Variants in STK32C observed in about 807,000 individuals in gnomAD.
STK32C encodes the protein serine/threonine kinase 32C, also known as serine/threonine-protein kinase 32C.
STK32C carries 31 observed loss-of-function variants against 56.5 expected under a neutral mutation model. The observed-to-expected ratio is 0.55, with a 90% CI of 0.41 to 0.74. STK32C has a LOEUF of 0.74. Ranked by LOEUF, STK32C falls within the 30% of genes least tolerant of loss-of-function variation. STK32C has a pLI of 0.00. For missense variants in STK32C, 544 were observed against 676.9 expected, an observed-to-expected ratio of 0.80 and a Z score of 2.18; for synonymous variants, 309 against 289.4, an observed-to-expected ratio of 1.07 and a Z score of -0.69.
chr10:132,256,552 G>A (rs549597537), intron 1 of STK32C, among the ~76,000 whole-genome samples: 4 of 152,314 alleles, frequency 2.6e-5, no homozygotes, highest in Admixed American at 1.3e-4. Context: ...GCCTGAGACC[G>A]CAGTGCCTGA....
intron 1 of STK32C, chr10:132,330,208 T>C (rs1177879115): frequency 3.8e-6 from 2 of 524,674 alleles, no homozygotes; most frequent in South Asian, 2.2e-5. Flanking sequence ...AATTAACTAC[T>C]GACTACAAAA....
At chr10:132,308,033 G>GAGCTC (rs2066138007), upstream of STK32C, 4 of 807,180 alleles carry the variant, frequency 5.0e-6, no homozygotes, top group South Asian at 2.3e-4. Context: ...GGGCGGGGCG[G>GAGCTC]AGCTCCTGGA....
exon 1 of STK32C, chr10:132,331,685 G>C (rs750239393): frequency 1.2e-6 from 2 of 1,612,740 alleles, no homozygotes; most frequent in Non-Finnish European, 8.5e-7. Flanking sequence ...GGCTGTCCTC[G>C]AGCAGCCCCG....
rs1362841498 is a variant in STK32C at position 132,207,985 on chromosome 10, G to C, written c.*25C>G. The C allele has an allele frequency of 1.5e-6, 2 of 1,298,228 alleles. No individual in the cohort carries two copies. The highest frequency in any genetic ancestry group is 9.8e-7 in the Non-Finnish European group (1 of 1,016,658). 80.4% of individuals were successfully genotyped at this position (1,298,228 alleles called of 1,614,324 possible). On this transcript the variant is annotated 3_prime_UTR_variant, in exon 12 of 12. Coordinates refer to ENST00000298630, the MANE Select transcript of STK32C (RefSeq NM_173575.4). ...AGCCGAGTCTCCAAAGCAGCTCAAG[G>C]GGTGAGGACCACGGGCGTCCCGGCC...
At chr10:132,276,203 T>G (rs1276597788) in intron 1 of STK32C, among the ~76,000 whole-genome samples, 17 of 152,148 alleles carry the variant, frequency 1.1e-4, no homozygotes, top group Admixed American at 1.0e-3. Flanking sequence ...GAAAACAGCA[T>G]GACCGCAGCA....
At chr10:132,296,889 C>T (rs1171013294) in intron 1 of STK32C, among the ~76,000 whole-genome samples, 5 of 152,244 alleles carry the variant, frequency 3.3e-5, no homozygotes, top group Non-Finnish European at 7.3e-5. Context: ...CGCCGAAAGC[C>T]TCTGCGGCTC....
At chr10:132,244,501 G>C (rs1205804916) in intron 2 of STK32C, among the ~76,000 whole-genome samples, 2 of 152,162 alleles carry the variant, frequency 1.3e-5, no homozygotes, top group Non-Finnish European at 2.9e-5. Flanking sequence ...AGATGCTGGG[G>C]GCCCCAGGAA....
intron 1 of STK32C, among the ~76,000 whole-genome samples, chr10:132,299,551 C>T (rs2065853466): frequency 6.6e-6 from 1 of 152,270 alleles, no homozygotes; most frequent in Non-Finnish European, 1.5e-5. Flanking sequence ...TTTGCACCAG[C>T]CCGCAGCTCT....
intron 2 of STK32C, among the ~76,000 whole-genome samples, chr10:132,231,465 C>A (rs1021824463): frequency 2.0e-5 from 3 of 152,236 alleles, no homozygotes. Context: ...GCTTGCAAGT[C>A]TTCCTATATG....
At chr10:132,228,776 G>A (rs568065052) in intron 2 of STK32C, among the ~76,000 whole-genome samples, 5 of 152,326 alleles carry the variant, frequency 3.3e-5, no homozygotes, top group East Asian at 3.9e-4. Flanking sequence ...CACCCTGGAC[G>A]CACATCACTC....
At chr10:132,308,428 G>A (rs370229925), upstream of STK32C, among the ~76,000 whole-genome samples, 5 of 152,288 alleles carry the variant, frequency 3.3e-5, no homozygotes, top group Admixed American at 1.3e-4. Flanking sequence ...CGCCCAGTGC[G>A]GGGAGCCCTA....
chr10:132,234,883 G>C (rs1302956777), intron 2 of STK32C, among the ~76,000 whole-genome samples: 1 of 152,252 alleles, frequency 6.6e-6, no homozygotes, highest in Admixed American at 6.5e-5. Context: ...GGGGCAGGTG[G>C]GAAGCTTGTG....
chr10:132,248,630 C>T (rs1472888082), intron 1 of STK32C, among the ~76,000 whole-genome samples: 2 of 152,244 alleles, frequency 1.3e-5, no homozygotes, highest in Non-Finnish European at 2.9e-5. Context: ...GAGCTGAGGA[C>T]GAGGGTGGTG....
At chr10:132,268,403 CAG>C (rs2064671887) in intron 1 of STK32C, among the ~76,000 whole-genome samples, 1 of 107,892 alleles carries the variant, frequency 9.3e-6, no homozygotes. Flanking sequence ...GTGTGTGTGT[CAG>C]TGTGTGTGCA....
At chr10:132,290,619 C>T (rs2065534228) in intron 1 of STK32C, among the ~76,000 whole-genome samples, 1 of 152,302 alleles carries the variant, frequency 6.6e-6, no homozygotes, top group South Asian at 2.1e-4. Context: ...AGCTAAGGTC[C>T]CCAGGACTAC....
intron 1 of STK32C, among the ~76,000 whole-genome samples, chr10:132,295,646 G>C (rs186331324): frequency 1.3e-5 from 2 of 152,234 alleles, no homozygotes; most frequent in Admixed American, 1.3e-4. Context: ...AGCACTTCGG[G>C]GGGCCGAGGA....
chr10:132,208,808 C>G (rs1355946707), intron 11 of STK32C, among the ~76,000 whole-genome samples: 1 of 152,132 alleles, frequency 6.6e-6, no homozygotes, highest in Non-Finnish European at 1.5e-5. Context: ...ATGTGTCTCT[C>G]CCCAGAAGAT....
At chr10:132,312,711 C>T (rs562858036), upstream of STK32C, among the ~76,000 whole-genome samples, 3 of 152,266 alleles carry the variant, frequency 2.0e-5, no homozygotes, top group South Asian at 2.1e-4. Context: ...GGGACAGACC[C>T]GCTCTTGGCC....
At chr10:132,297,170 G>A (rs2065774604) in intron 1 of STK32C, among the ~76,000 whole-genome samples, 1 of 152,166 alleles carries the variant, frequency 6.6e-6, no homozygotes, top group Non-Finnish European at 1.5e-5. Context: ...TCTGGGGAAG[G>A]GGCACCAGGA....
Sources: gnomAD v4.1 joint callset for allele counts (sites outside exome capture counted in the v4.1 genomes callset) on GRCh38, gnomAD v4.1.1 for gene constraint, MANE v1.5 for transcripts, NCBI Gene and HGNC (gene_info 2026-07-23, HGNC 2026-07-21) for gene names.